WNK1: variants seen among roughly 807,000 people sequenced by gnomAD.
WNK1 encodes serine/threonine-protein kinase WNK1.
In WNK1, 38 loss-of-function variants were observed where a neutral mutation model predicts 222.8. The ratio of observed to expected loss-of-function variants is 0.17; its 90% CI spans 0.13 to 0.22. The LOEUF is 0.22. Among genes scored for constraint, WNK1 ranks in the 10% least tolerant of loss-of-function variants. WNK1 has a pLI of 1.00. For missense variants in WNK1, 2,348 were observed against 2,918.4 expected (o/e 0.80, Z 4.50); for synonymous variants, 1,090 against 1,092.9 (o/e 1.00, Z 0.05).
Position 857,258 on chromosome 12 carries a change from C to T in WNK1, c.1400+9C>T, listed in dbSNP as rs748200395. 6.2e-7 allele frequency: 1 copy of T among 1,613,158 alleles called. No individual in the cohort carries two copies. The highest frequency in any genetic ancestry group is 1.7e-5 in the Admixed American group (1 of 60,012). ...CAAAACAAAGATGAAAGGTAAGTTG[C>T]CTCTTTTGATCTGGGTGATACTTGA... On this transcript the variant is annotated intron_variant, in intron 5 of 27. Transcript: ENST00000315939.
chr12:868,840 C>G lies in WNK1; in HGVS notation c.2140-2425C>G. On this transcript the variant is annotated intron_variant, in intron 8 of 27. Transcript: ENST00000315939. ...TGACCGTTTCTGTGGTAGAGCCTAT[C>G]GGACAGAACTGGCCAATAGGAAGCC... The G allele has an allele frequency of 6.2e-7, 1 of 1,614,014 alleles. No individual in the cohort carries two copies. The highest frequency in any genetic ancestry group is 8.5e-7 in the Non-Finnish European group (1 of 1,179,894).
At chr12:878,382 T>TA (rs764261964) in intron 10 of WNK1, 21 bp downstream of exon 10, 4 of 1,597,338 alleles carry the variant, frequency 2.5e-6, no homozygotes, top group Admixed American at 1.7e-5. Flanking sequence ...TTTTTTTTTT[T>TA]AAACAGGTAA....
At chr12:877,052 A>ATTTTTTTT (rs34011207) in intron 9 of WNK1, among the ~76,000 whole-genome samples, 1 of 77,104 alleles carries the variant, frequency 1.3e-5, no homozygotes, top group Non-Finnish European at 2.4e-5. Flanking sequence ...CCTAAACTTC[A>ATTTTTTTT]TTTTTTTTTT....
At position 771,296 on chromosome 12, in the gene WNK1, G is replaced by A. The variant is rs1014046835; in HGVS notation, c.759+16972G>A. ...ACAGGTGTGAGCTACTATGCCCGGC[G>A]CTTTATATTCTTTAGTAATTTCTGG... On this transcript the variant is annotated intron_variant, in intron 1 of 27. Coordinates refer to ENST00000315939, the MANE Select transcript of WNK1 (RefSeq NM_018979.4). Among the ~76,000 whole-genome samples the A allele has an allele frequency of 4.0e-5, 6 of 151,756 alleles. No individual in the cohort carries two copies. In the South Asian group the frequency reaches 8.3e-4, roughly 21 times the overall value.
chr12:827,618 C>T lies in WNK1; in HGVS notation c.1153+356C>T. ...ATCTCAGCTCACTGCAACCTCCACC[C>T]ACCGGGTTCAAGCGATTCTTGTGCC... is the stretch of plus-strand genomic sequence containing the variant. On this transcript the variant is annotated intron_variant, in intron 3 of 27. Coordinates refer to ENST00000315939, the MANE Select transcript of WNK1 (RefSeq NM_018979.4). This position sits in a 1 kb window ranked among gnomAD's most constrained non-coding sequence, Gnocchi z 4.6. 32 of 258,438 alleles carry T rather than the reference C, an allele frequency of 1.2e-4. No individual in the cohort carries two copies. Among genetic ancestry groups the T allele is most frequent in the South Asian group, 2.9e-4 (4 of 13,646 alleles). 16.0% of individuals were successfully genotyped at this position (258,438 alleles called of 1,614,324 possible).
chr12:820,199 G>A (rs927273969), intron 2 of WNK1, among the ~76,000 whole-genome samples: 1 of 151,966 alleles, frequency 6.6e-6, no homozygotes, highest in Non-Finnish European at 1.5e-5. Flanking sequence ...GTGAACACAG[G>A]GTGTCTGTCC....
chr12:880,647 T>G, intron 11 of WNK1, 74 bp from the exon 12 acceptor site: 2 of 1,441,610 alleles, frequency 1.4e-6, no homozygotes, highest in South Asian at 1.2e-5. Context: ...TTTTTTTTTT[T>G]TGCATGTCTT....
At chr12:871,469 C>T in intron 9 of WNK1, 121 bp downstream of exon 9, 1 of 910,564 alleles carries the variant, frequency 1.1e-6, no homozygotes, top group African/African-American at 1.6e-5. Flanking sequence ...AGAGGCATAC[C>T]ATGTCTTGTG....
chr12:858,331 A>G (rs910218920), intron 5 of WNK1, among the ~76,000 whole-genome samples: 1 of 152,096 alleles, frequency 6.6e-6, no homozygotes, highest in African/African-American at 2.4e-5. Flanking sequence ...CTGGGACTAC[A>G]GACGCACATC....
intron 1 of WNK1, among the ~76,000 whole-genome samples, chr12:778,724 A>G (rs1405795838): frequency 6.6e-6 from 1 of 151,888 alleles, no homozygotes; most frequent in East Asian, 1.9e-4. Context: ...AAGATTATGA[A>G]TGACTTATTA....
intron 8 of WNK1, chr12:868,275 T>G (rs1239635598): frequency 1.2e-6 from 2 of 1,603,168 alleles, no homozygotes; most frequent in East Asian, 4.5e-5. Context: ...CAGGAAGCAG[T>G]GTATGTAGCT....
Position 896,251 on chromosome 12 carries a change from C to T in WNK1, c.5764C>T (p.Pro1922Ser). The T allele has an allele frequency of 6.2e-7, 1 of 1,614,122 alleles. No individual in the cohort carries two copies. The highest frequency in any genetic ancestry group is 8.5e-7 in the Non-Finnish European group (1 of 1,180,028). Reference protein sequence around the residue: ...ITIPGISSDVPESAHKTTASE... With the variant: ...ITIPGISSDVSESAHKTTASE... ...CATCCCTGGTATCTCTTCAGATGTG[C>T]CAGAGAGTGCCCACAAAACTACTGC... The change falls in exon 24 of 28, where the codon CCA becomes TCA. Residue 1922 changes from proline (P) to serine (S), a missense_variant. Transcript: ENST00000315939.
chr12:784,356 A>T lies in WNK1; in HGVS notation c.760-29286A>T, dbSNP rs140499712. Among the ~76,000 whole-genome samples the T allele has an allele frequency of 1.6e-4, 24 of 152,268 alleles. No homozygotes were observed. The East Asian group carries it at 1.7e-3, about 11-fold the overall frequency. On this transcript the variant is annotated intron_variant, in intron 1 of 27. Transcript: ENST00000315939. ...CTGAATGCCAAGTACCTCTTGTTAA[A>T]CTGTTCAACAGCCTTTCCCTACCAT... is the stretch of plus-strand genomic sequence containing the variant.
chr12:850,520 G>A (rs369129379), intron 4 of WNK1, among the ~76,000 whole-genome samples: 6,235 of 151,988 alleles, frequency 0.041, 273 homozygotes, highest in African/African-American at 0.12. Context: ...TCTGTAGGTT[G>A]CCTGTTCACT....
At chr12:766,213 G>C (rs1941676043) in intron 1 of WNK1, among the ~76,000 whole-genome samples, 1 of 152,152 alleles carries the variant, frequency 6.6e-6, no homozygotes, top group African/African-American at 2.4e-5. Context: ...GTATATCCAT[G>C]TAACAAACTT....
In WNK1 at chr12:908,861, G is replaced by GCCC; in HGVS notation, c.*69_*70insCCC. The GCCC allele has an allele frequency of 4.1e-6, 2 of 491,846 alleles. No individual in the cohort carries two copies. The highest frequency in any genetic ancestry group is 4.1e-6 in the Non-Finnish European group (1 of 241,770). The allele number at this position is 491,846 out of a possible 1,614,324, so 30.5% of individuals were successfully genotyped here. ...ATGCTGAGGGGGTGGGTGGGGGTGG[G>GCCC]AAGTAGCCTATATACTAACTACTAG... On this transcript the variant is annotated 3_prime_UTR_variant, in exon 28 of 28. Coordinates refer to ENST00000315939, the MANE Select transcript of WNK1 (RefSeq NM_018979.4).
At chr12:906,902 G>T (rs182403843) in intron 26 of WNK1, 2 of 279,690 alleles carry the variant, frequency 7.2e-6, no homozygotes, top group Non-Finnish European at 1.1e-5. Flanking sequence ...GGGTGTGGAA[G>T]TGCATACGTC....
At chr12:863,448 G>C (rs1187333128) in intron 8 of WNK1, among the ~76,000 whole-genome samples, 1 of 152,022 alleles carries the variant, frequency 6.6e-6, no homozygotes, top group South Asian at 2.1e-4. Flanking sequence ...AGACTGCACA[G>C]AAAATATATT....
intron 24 of WNK1, 38 bp downstream of exon 24, chr12:896,770 G>A (rs764990613): frequency 1.2e-6 from 2 of 1,600,154 alleles, no homozygotes; most frequent in South Asian, 2.2e-5. Flanking sequence ...TGTCAGATAA[G>A]GTTTTCAGAC....
Sources: gnomAD v4.1 joint callset for allele counts (sites outside exome capture counted in the v4.1 genomes callset) on GRCh38, gnomAD v4.1.1 for gene constraint, Gnocchi (gnomAD v3.1) non-coding constraint, MANE v1.5 for transcripts, NCBI Gene and HGNC (gene_info 2026-07-23, HGNC 2026-07-21) for gene names.